The following IGF1R variants were observed in gnomAD, a reference collection of about 807,000 sequenced individuals.
IGF1R encodes the protein insulin-like growth factor 1 receptor.
Under a neutral mutation model 144.6 loss-of-function variants are expected in IGF1R, and 44 were observed. That is an observed-to-expected ratio of 0.30 (90% CI 0.24 to 0.39). IGF1R has a LOEUF of 0.39. Among genes scored for constraint, IGF1R ranks in the 10% least tolerant of loss-of-function variants. IGF1R has a pLI of 1.00. For synonymous variants in IGF1R, 795 were observed against 722.8 expected (o/e 1.10, Z -1.60); for missense variants, 1,355 against 1,833.7 (o/e 0.74, Z 4.77).
chr15:98,657,810 G>A (rs764477780), intron 1 of IGF1R, among the ~76,000 whole-genome samples: 6 of 152,208 alleles, frequency 3.9e-5, no homozygotes, highest in Non-Finnish European at 8.8e-5. Context: ...TTCAGTTTCA[G>A]TTCTGCAGCC....
chr15:98,870,770 C>T (rs1286779675), intron 2 of IGF1R, among the ~76,000 whole-genome samples: 1 of 152,198 alleles, frequency 6.6e-6, no homozygotes, highest in African/African-American at 2.4e-5. Context: ...AATGCAACTT[C>T]CTTGATACAG....
At chr15:98,666,817 G>A (rs1334180705) in intron 1 of IGF1R, among the ~76,000 whole-genome samples, 1 of 152,184 alleles carries the variant, frequency 6.6e-6, no homozygotes, top group Non-Finnish European at 1.5e-5. Context: ...TCTAGAGGTG[G>A]ATGGTTACGG....
chr15:98,654,826 C>T (rs1053786681), intron 1 of IGF1R, among the ~76,000 whole-genome samples: 10 of 152,264 alleles, frequency 6.6e-5, no homozygotes, highest in African/African-American at 2.4e-4. Context: ...CTGAGATGTT[C>T]TGAAGGAAAA....
At chr15:98,922,508 G>T (rs2015532170) in intron 11 of IGF1R, 77 bp downstream of exon 11, 6 of 1,536,708 alleles carry the variant, frequency 3.9e-6, no homozygotes, top group Non-Finnish European at 4.4e-6. Context: ...TGGACACAGG[G>T]TCTGACACCC....
chr15:98,861,278 C>T (rs1024001475), intron 2 of IGF1R, among the ~76,000 whole-genome samples: 4 of 152,204 alleles, frequency 2.6e-5, no homozygotes, highest in Admixed American at 2.0e-4. Flanking sequence ...TTACACCTTC[C>T]TCTCAGATAA....
intron 2 of IGF1R, among the ~76,000 whole-genome samples, chr15:98,797,081 G>C (rs2056260828): frequency 6.6e-6 from 1 of 152,258 alleles, no homozygotes; most frequent in Non-Finnish European, 1.5e-5. Context: ...TGGGGTGGCA[G>C]AGTTCTGTGT....
chr15:98,684,546 A>G (rs1238372991), intron 1 of IGF1R, among the ~76,000 whole-genome samples: 3 of 152,206 alleles, frequency 2.0e-5, no homozygotes, highest in African/African-American at 4.8e-5. Flanking sequence ...ATTGAGTAAC[A>G]CTTAATACTT....
At chr15:98,762,589 G>C in intron 2 of IGF1R, among the ~76,000 whole-genome samples, 1 of 152,100 alleles carries the variant, frequency 6.6e-6, no homozygotes, top group Non-Finnish European at 1.5e-5. Flanking sequence ...TTAGCTGGGC[G>C]TGGTGGCACG....
chr15:98,766,695 A>C (rs1007463289), intron 2 of IGF1R, among the ~76,000 whole-genome samples: 3 of 152,132 alleles, frequency 2.0e-5, no homozygotes, highest in Non-Finnish European at 4.4e-5. Flanking sequence ...ACCTCTGCCA[A>C]AGTTGATGCG....
chr15:98,679,649 C>G (rs906881601), intron 1 of IGF1R, among the ~76,000 whole-genome samples: 1 of 151,992 alleles, frequency 6.6e-6, no homozygotes, highest in African/African-American at 2.4e-5. Flanking sequence ...AATAAACAAC[C>G]ATGTTACTGG....
At chr15:98,956,108 T>G (rs2016970128) in intron 20 of IGF1R, among the ~76,000 whole-genome samples, 1 of 152,214 alleles carries the variant, frequency 6.6e-6, no homozygotes, top group South Asian at 2.1e-4. Context: ...CCCGGGCCTT[T>G]CCTGGGTCAG....
intron 2 of IGF1R, among the ~76,000 whole-genome samples, chr15:98,868,327 C>A (rs867218581): frequency 7.4e-4 from 37 of 49,850 alleles, no homozygotes; most frequent in Admixed American, 1.5e-3. Context: ...ACCTTGTCTC[C>A]AAAAAAAAAA....
chr15:98,929,559 A>G lies in IGF1R; in HGVS notation c.2784A>G (p.Thr928=), dbSNP rs1159506275. The change falls in exon 14 of 21, where the codon ACA becomes ACG. Residue 928 remains threonine, a splice_region_variant and synonymous_variant. Coordinates refer to ENST00000650285, the MANE Select transcript of IGF1R (RefSeq NM_000875.5). ...DPVFFYVQAK[T]GYENFIHLII... is the part of the protein sequence containing the mutation. ...ATCATTTCCTCCTCTTTGCTGCAGC[A>G]GGATATGAAAACTTCATCCATCTGA... The G allele has an allele frequency of 1.2e-6, 2 of 1,611,184 alleles. No individual in the cohort carries two copies. Among genetic ancestry groups the G allele is most frequent in the Non-Finnish European group, 1.7e-6 (2 of 1,177,436 alleles).
rs562914680 is a variant in IGF1R at position 98,956,493 on chromosome 15, G to A, written c.3723-568G>A. On this transcript the variant is annotated intron_variant, in intron 20 of 20. Transcript: ENST00000650285. ...AGACTCGGAGTGTGCATTTCTTCGT[G>A]TTGCAAGCCTGGCCTCACAGTGCCT... is the stretch of plus-strand genomic sequence containing the variant. Among the ~76,000 whole-genome samples the A allele has an allele frequency of 5.9e-5, 9 of 152,360 alleles. No homozygotes were observed. The South Asian group carries it at 1.9e-3, about 32-fold the overall frequency.
chr15:98,821,159 G>A (rs146466952), intron 2 of IGF1R, among the ~76,000 whole-genome samples: 434 of 152,278 alleles, frequency 2.9e-3, no homozygotes, highest in African/African-American at 9.9e-3. Flanking sequence ...GAACTCAGGC[G>A]TCCAAGAGTG....
intron 2 of IGF1R, among the ~76,000 whole-genome samples, chr15:98,728,019 T>TTTG (rs1567097549): frequency 6.6e-6 from 1 of 150,688 alleles, no homozygotes; most frequent in African/African-American, 2.4e-5. Flanking sequence ...TTTTTTTTTT[T>TTTG]TTTTTTTTTT....
At chr15:98,920,749 T>C (rs539752546) in intron 10 of IGF1R, among the ~76,000 whole-genome samples, 136 of 152,224 alleles carry the variant, frequency 8.9e-4, no homozygotes, top group African/African-American at 3.1e-3. Context: ...GGAACGAGCA[T>C]ATCTGTGTTG....
chr15:98,866,474 G>T (rs2012454356), intron 2 of IGF1R, among the ~76,000 whole-genome samples: 2 of 152,194 alleles, frequency 1.3e-5, no homozygotes, highest in African/African-American at 4.8e-5. Flanking sequence ...TTGAAAGATT[G>T]AACTTCATCT....
intron 2 of IGF1R, among the ~76,000 whole-genome samples, chr15:98,764,677 A>G (rs759593732): frequency 2.9e-4 from 44 of 152,256 alleles, no homozygotes; most frequent in Admixed American, 9.2e-4. Context: ...TCGTCTTCGA[A>G]TAATTCTTTT....
Sources: allele counts gnomAD v4.1 joint callset (sites outside exome capture counted in the v4.1 genomes callset), GRCh38; gene constraint gnomAD v4.1.1; transcripts MANE v1.5; gene names NCBI Gene and HGNC (gene_info 2026-07-23, HGNC 2026-07-21).